Variants in ACTN2 observed in about 807,000 individuals in gnomAD.
The protein encoded by ACTN2 is alpha-actinin-2.
ACTN2 carries 39 observed loss-of-function variants against 113.8 expected under a neutral mutation model. The ratio of observed to expected loss-of-function variants is 0.34; its 90% confidence interval spans 0.27 to 0.45. The LOEUF (loss-of-function observed/expected upper bound fraction) is 0.45, where lower values mean the gene tolerates loss of function less well. Ranked by LOEUF, ACTN2 falls within the 20% of genes least tolerant of loss-of-function variation. The probability of loss-of-function intolerance (pLI) is 1.00; values close to 1 mark genes in which losing one functional copy is unlikely to be tolerated. For missense variants in ACTN2, 992 were observed against 1,177.9 expected, an observed-to-expected ratio of 0.84 and a Z score of 2.31; for synonymous variants, 429 against 444.1, an observed-to-expected ratio of 0.97 and a Z score of 0.43.
chr1:236,711,029 T>C (rs1009444198), intron 1 of ACTN2, among the ~76,000 whole-genome samples: 1 of 152,208 alleles, frequency 6.6e-6, no homozygotes, highest in African/African-American at 2.4e-5. Flanking sequence ...TATCCTTCAG[T>C]CCTTACACTT....
chr1:236,737,095 G>A lies in ACTN2; in HGVS notation c.784-27G>A, dbSNP rs748524086. The A allele has an allele frequency of 4.2e-5, 66 of 1,580,576 alleles. No homozygotes were observed. The Middle Eastern group carries it at 5.1e-4, about 12-fold the overall frequency. On this transcript the variant is annotated intron_variant, in intron 8 of 20. Coordinates refer to ENST00000366578, the MANE Select transcript of ACTN2 (RefSeq NM_001103.4). ...TGTGCGCATTCCCGTCGACAGAGCC[G>A]TCCTGTTTACCTATTGTGTTTTACA...
chr1:236,689,303 A>G (rs1273788212), intron 1 of ACTN2, among the ~76,000 whole-genome samples: 3 of 2,296 alleles, frequency 1.3e-3, no homozygotes, highest in African/African-American at 2.3e-3. Flanking sequence ...CAGATGTGAT[A>G]TATATATATA....
intron 20 of ACTN2, among the ~76,000 whole-genome samples, chr1:236,761,845 G>A (rs538363347): frequency 2.0e-5 from 3 of 152,138 alleles, no homozygotes; most frequent in Admixed American, 1.3e-4. Context: ...CAGTAACAGA[G>A]CCATATTTAT....
At chr1:236,741,964 C>A (rs188011142) in intron 10 of ACTN2, among the ~76,000 whole-genome samples, 1 of 152,334 alleles carries the variant, frequency 6.6e-6, no homozygotes, top group East Asian at 1.9e-4. Context: ...TGCCACACCC[C>A]CTGCCTGCCG....
chr1:236,725,636 TAAA>T lies in ACTN2; in HGVS notation c.449-292_449-290del, dbSNP rs5781923. Among the ~76,000 whole-genome samples, 5,158 of 152,020 alleles carry T rather than the reference TAAA, an allele frequency of 0.034. 117 individuals carry two copies. Among genetic ancestry groups the T allele is most frequent in the Non-Finnish European group, 0.052 (3,551 of 67,980 alleles). ...AGTGAGACTGTGCCTCAAAAAAAAT[TAAA>T]AAAAGTATTTTCATTTAAAAAGGGG... On this transcript the variant is annotated intron_variant, in intron 4 of 20. Transcript: ENST00000366578.
At chr1:236,725,715 G>A (rs1334670347) in intron 4 of ACTN2, among the ~76,000 whole-genome samples, 2 of 152,174 alleles carry the variant, frequency 1.3e-5, no homozygotes, top group African/African-American at 4.8e-5. Context: ...TTATGTTGGA[G>A]CTTGTGGCTG....
At chr1:236,717,145 T>A (rs1414998359) in intron 1 of ACTN2, among the ~76,000 whole-genome samples, 1 of 151,608 alleles carries the variant, frequency 6.6e-6, no homozygotes, top group Non-Finnish European at 1.5e-5. Context: ...CTTTGAACAT[T>A]CTTCAAACAT....
intron 1 of ACTN2, among the ~76,000 whole-genome samples, chr1:236,717,391 C>A (rs1022726402): frequency 1.3e-5 from 2 of 152,134 alleles, no homozygotes; most frequent in Admixed American, 6.5e-5. Context: ...GAGCCATGAT[C>A]ACACCACTGT....
In ACTN2 at chr1:236,754,154, C is replaced by T. The variant is rs539672065; in HGVS notation, c.1974+73C>T. 17 of 1,581,138 alleles carry T rather than the reference C, an allele frequency of 1.1e-5. No homozygotes were observed. The highest frequency in any genetic ancestry group is 8.0e-5 in the African/African-American group (6 of 74,570). ...CCCTTTAGCCACGCAGCAGTGACAC[C>T]GCACATGCTGTGGTTTCCAGCCACC... On this transcript the variant is annotated intron_variant, in intron 16 of 20. Transcript: ENST00000366578. The surrounding 1 kb of genome is among the most constrained non-coding windows in gnomAD (Gnocchi z 4.9).
chr1:236,689,265 G>T (rs1665982022), intron 1 of ACTN2, among the ~76,000 whole-genome samples: 1 of 147,688 alleles, frequency 6.8e-6, no homozygotes, highest in African/African-American at 2.5e-5. Flanking sequence ...TACAACTCAA[G>T]GGTAGAAGAA....
intron 1 of ACTN2, among the ~76,000 whole-genome samples, chr1:236,690,657 G>T (rs574341316): frequency 7.2e-5 from 11 of 152,280 alleles, no homozygotes; most frequent in South Asian, 2.1e-4. Context: ...CTTGTGCGCC[G>T]AATATTTGTT....
intron 15 of ACTN2, 102 bp from the exon 16 acceptor site, chr1:236,753,845 C>A: frequency 7.7e-7 from 1 of 1,303,788 alleles, no homozygotes; most frequent in Non-Finnish European, 1.1e-6. Context: ...GTTTCTCCTT[C>A]TCCACTCCCA....
intron 1 of ACTN2, among the ~76,000 whole-genome samples, chr1:236,696,491 G>A (rs1485003543): frequency 6.6e-6 from 1 of 152,092 alleles, no homozygotes; most frequent in Non-Finnish European, 1.5e-5. Flanking sequence ...AACAAGATGT[G>A]AAGATGACAA....
In ACTN2 at chr1:236,703,433, C is replaced by CTT. The variant is rs35432183; in HGVS notation, c.127-14402_127-14401dup. On this transcript the variant is annotated intron_variant, in intron 1 of 20. Coordinates refer to ENST00000366578, the MANE Select transcript of ACTN2 (RefSeq NM_001103.4). The stretch of plus-strand genomic sequence containing the variant: ...TCATGCGTTCCTTTGGGCCTACTAC[C>CTT]TTTTTTTTTTTTTTTTTTTTTTTTG... 9.8e-4 allele frequency among the ~76,000 whole-genome samples: 97 copies of CTT among 98,818 alleles called. 1 individual carries two copies. Among genetic ancestry groups the CTT allele is most frequent in the African/African-American group, 2.0e-3 (52 of 25,724 alleles). The allele number at this position is 98,818 out of a possible 152,430, so 64.8% of individuals were successfully genotyped here.
intron 4 of ACTN2, among the ~76,000 whole-genome samples, chr1:236,722,785 T>A (rs1658436339): frequency 6.6e-6 from 1 of 152,220 alleles, no homozygotes; most frequent in Admixed American, 6.5e-5. Flanking sequence ...TGTAACATGC[T>A]TTTTATACCA....
chr1:236,753,002 G>A (rs1179933021), intron 15 of ACTN2, among the ~76,000 whole-genome samples: 2 of 152,172 alleles, frequency 1.3e-5, no homozygotes, highest in South Asian at 2.1e-4. Flanking sequence ...TTTTGAAGTA[G>A]TTTTTTCTCT....
chr1:236,752,461 A>G (rs1359133746), intron 15 of ACTN2, among the ~76,000 whole-genome samples: 1 of 147,804 alleles, frequency 6.8e-6, no homozygotes, highest in Non-Finnish European at 1.5e-5. Context: ...ACGAACACCC[A>G]AAGAGAGACA....
intron 1 of ACTN2, among the ~76,000 whole-genome samples, chr1:236,693,780 T>C (rs1657376469): frequency 6.6e-6 from 1 of 152,108 alleles, no homozygotes; most frequent in African/African-American, 2.4e-5. Flanking sequence ...TCCAAGATGC[T>C]GCCAAAAATG....
chr1:236,750,543 A>G (rs76889230), intron 14 of ACTN2, among the ~76,000 whole-genome samples: 1,938 of 152,314 alleles, frequency 0.013, 37 homozygotes, highest in African/African-American at 0.044. Flanking sequence ...TAAAGAGAAC[A>G]GTAGCTTCAC....
Sources: gnomAD v4.1 joint callset for allele counts (sites outside exome capture counted in the v4.1 genomes callset) on GRCh38, gnomAD v4.1.1 for gene constraint, Gnocchi (gnomAD v3.1) non-coding constraint, MANE v1.5 for transcripts, NCBI Gene and HGNC (gene_info 2026-07-23, HGNC 2026-07-21) for gene names.